C1orf21: variants seen among roughly 807,000 people sequenced by gnomAD.
The protein encoded by C1orf21 is uncharacterized protein C1orf21.
Under a neutral mutation model 18.7 loss-of-function variants are expected in C1orf21, and 3 were observed. The observed-to-expected ratio is 0.16, with a 90% confidence interval of 0.07 to 0.42. C1orf21 has a LOEUF of 0.42. C1orf21 is among the 10% of genes least tolerant of loss of function. The pLI, the probability that C1orf21 is intolerant of heterozygous loss-of-function variation, is 0.99. For synonymous variants in C1orf21, 41 were observed against 46.4 expected, an observed-to-expected ratio of 0.88 and a Z score of 0.47; for missense variants, 104 against 143.6, an observed-to-expected ratio of 0.72 and a Z score of 1.41.
intron 4 of C1orf21, among the ~76,000 whole-genome samples, chr1:184,592,840 G>T (rs1659458643): frequency 6.6e-6 from 1 of 152,180 alleles, no homozygotes. Flanking sequence ...CAGGGGGTAG[G>T]TAATGGGCTC....
intron 1 of C1orf21, among the ~76,000 whole-genome samples, chr1:184,451,036 C>A (rs971654157): frequency 8.5e-5 from 13 of 152,184 alleles, no homozygotes; most frequent in African/African-American, 2.9e-4. Context: ...TGCCATCACG[C>A]CCAGCTAATT....
intron 3 of C1orf21, among the ~76,000 whole-genome samples, chr1:184,534,919 C>T (rs1282214887): frequency 6.6e-6 from 1 of 151,900 alleles, no homozygotes; most frequent in Non-Finnish European, 1.5e-5. Flanking sequence ...GTGAGAAAGT[C>T]CCTGAACTGG....
chr1:184,531,702 A>T (rs77964679), intron 3 of C1orf21, among the ~76,000 whole-genome samples: 1,522 of 152,084 alleles, frequency 0.01, 25 homozygotes, highest in African/African-American at 0.033. Flanking sequence ...AGTGTTTATC[A>T]TATGGAAGCC....
intron 5 of C1orf21, among the ~76,000 whole-genome samples, chr1:184,618,643 C>A (rs1274522896): frequency 2.0e-5 from 3 of 147,306 alleles, no homozygotes; most frequent in Non-Finnish European, 3.0e-5. Flanking sequence ...CATTCCCCCC[C>A]CCCAAGAAAA....
Position 184,477,457 on chromosome 1 carries a change from G to T in C1orf21, c.-53G>T. 1 of 1,480,686 alleles carries T rather than the reference G, an allele frequency of 6.8e-7. No individual in the cohort carries two copies. The allele number at this position is 1,480,686 out of a possible 1,614,324, so 91.7% of individuals were successfully genotyped here. On this transcript the variant is annotated 5_prime_UTR_variant, in exon 2 of 6. Transcript: ENST00000235307. ...GTTTAAAGAAAAAAAATGTCCCTGT[G>T]TCTGTAGAGATGATTTGCAGTTCAG...
chr1:184,498,788 T>C (rs1657930632), intron 2 of C1orf21, among the ~76,000 whole-genome samples: 1 of 152,226 alleles, frequency 6.6e-6, no homozygotes, highest in South Asian at 2.1e-4. Context: ...GTAATGGATA[T>C]CAGTATACAA....
intron 1 of C1orf21, among the ~76,000 whole-genome samples, chr1:184,395,925 A>G (rs114699098): frequency 0.013 from 2,003 of 152,258 alleles, 46 homozygotes; most frequent in African/African-American, 0.046. Context: ...GGGGACTAAC[A>G]CTGGTTTGCT....
At chr1:184,389,254 G>T (rs191523087) in intron 1 of C1orf21, among the ~76,000 whole-genome samples, 125 of 152,096 alleles carry the variant, frequency 8.2e-4, no homozygotes, top group Middle Eastern at 6.8e-3. Flanking sequence ...CTGAGGAGGG[G>T]CGGGGTGCTT....
rs1170778613 is a variant in C1orf21 at position 184,549,607 on chromosome 1, GT to G, written c.190-41122del. On this transcript the variant is annotated intron_variant, in intron 3 of 5. Coordinates refer to ENST00000235307, the MANE Select transcript of C1orf21 (RefSeq NM_030806.4). ...TTCCCTATGATATAACATCTTTTGA[GT>G]TTTTTTTTTCTTTTTGTTTGATTGT... Among the ~76,000 whole-genome samples the G allele has an allele frequency of 7.0e-4, 104 of 148,524 alleles. No homozygotes were observed. The East Asian group carries it at 0.014, about 19-fold the overall frequency.
In C1orf21 at chr1:184,571,880, A is replaced by G. The variant is rs2180074; in HGVS notation, c.190-18859A>G. Among the ~76,000 whole-genome samples the G allele has an allele frequency of 1.0e-2, 1,500 of 150,390 alleles. 30 individuals carry two copies. The highest frequency in any genetic ancestry group is 0.035 in the African/African-American group (1,440 of 41,386). On this transcript the variant is annotated intron_variant, in intron 3 of 5. Coordinates refer to ENST00000235307, the MANE Select transcript of C1orf21 (RefSeq NM_030806.4). ...CTATCCCCTCTTGACCAGTAACTCT[A>G]TGGCCTTGTTTCCTTGATGTTCTTC...
chr1:184,533,180 CT>C (rs1658494078), intron 3 of C1orf21, among the ~76,000 whole-genome samples: 2 of 152,084 alleles, frequency 1.3e-5, no homozygotes. Context: ...GGCCAAGCTC[CT>C]TCCCCACTAG....
intron 1 of C1orf21, among the ~76,000 whole-genome samples, chr1:184,409,831 C>T (rs1656305050): frequency 6.6e-6 from 1 of 152,168 alleles, no homozygotes; most frequent in South Asian, 2.1e-4. Flanking sequence ...CTTATTTATG[C>T]CCTTCTCTAG....
chr1:184,492,571 A>C (rs960184630), intron 2 of C1orf21, among the ~76,000 whole-genome samples: 1 of 152,242 alleles, frequency 6.6e-6, no homozygotes, highest in Non-Finnish European at 1.5e-5. Flanking sequence ...TTTTTCAATG[A>C]AAAATTAGAA....
At chr1:184,440,540 C>A (rs1656927232) in intron 1 of C1orf21, among the ~76,000 whole-genome samples, 1 of 151,076 alleles carries the variant, frequency 6.6e-6, no homozygotes, top group Non-Finnish European at 1.5e-5. Flanking sequence ...GCGTGAGCCA[C>A]TGCACCTGGC....
chr1:184,545,339 A>C (rs1262260367), intron 3 of C1orf21, among the ~76,000 whole-genome samples: 1 of 152,244 alleles, frequency 6.6e-6, no homozygotes, highest in Non-Finnish European at 1.5e-5. Context: ...TATACTATTA[A>C]GTAAAGAAAG....
intron 3 of C1orf21, among the ~76,000 whole-genome samples, chr1:184,552,633 C>G (rs200752805): frequency 1.3e-5 from 2 of 152,052 alleles, no homozygotes; most frequent in Non-Finnish European, 2.9e-5. Context: ...AGGGAATAAC[C>G]AAATTTCCCA....
intron 1 of C1orf21, among the ~76,000 whole-genome samples, chr1:184,446,314 C>T (rs1026835370): frequency 6.6e-6 from 1 of 151,926 alleles, no homozygotes; most frequent in South Asian, 2.1e-4. Flanking sequence ...ATTTCTATTC[C>T]TTTTCCTATT....
At chr1:184,416,615 A>G (rs1311243587) in intron 1 of C1orf21, among the ~76,000 whole-genome samples, 2 of 152,174 alleles carry the variant, frequency 1.3e-5, no homozygotes, top group Non-Finnish European at 2.9e-5. Flanking sequence ...AACTGGTTTC[A>G]TTGCTTAAGG....
At chr1:184,608,693 A>G (rs1659685666) in intron 5 of C1orf21, among the ~76,000 whole-genome samples, 1 of 152,094 alleles carries the variant, frequency 6.6e-6, no homozygotes, top group Non-Finnish European at 1.5e-5. Context: ...GGATCCTTTG[A>G]TTGTTATCCT....
Sources: allele counts gnomAD v4.1 joint callset (sites outside exome capture counted in the v4.1 genomes callset), GRCh38; gene constraint gnomAD v4.1.1; transcripts MANE v1.5; gene names NCBI Gene and HGNC (gene_info 2026-07-23, HGNC 2026-07-21).